Variants in PATJ observed in about 807,000 individuals in gnomAD.
PATJ encodes the protein inaD-like protein.
In PATJ, 190 loss-of-function variants were observed where a neutral mutation model predicts 224.9. The ratio of observed to expected loss-of-function variants is 0.84; its 90% CI spans 0.75 to 0.95. The LOEUF (loss-of-function observed/expected upper bound fraction) is 0.95. PATJ is among the 40% of genes least tolerant of loss of function. The pLI is 0.00. For synonymous variants in PATJ, 769 were observed against 820.3 expected (o/e 0.94, Z 1.07); for missense variants, 2,121 against 2,270.3 (o/e 0.93, Z 1.34).
chr1:61,767,993 T>A (rs1646386082), intron 4 of PATJ, among the ~76,000 whole-genome samples: 1 of 152,012 alleles, frequency 6.6e-6, no homozygotes, highest in African/African-American at 2.4e-5. Flanking sequence ...TTCATCTGAC[T>A]AGTAATTATT....
chr1:61,795,225 A>G (rs566296555), intron 9 of PATJ, among the ~76,000 whole-genome samples: 2 of 152,112 alleles, frequency 1.3e-5, no homozygotes, highest in Admixed American at 6.6e-5. Flanking sequence ...AGTACATTTC[A>G]TCAGGGTTCC....
At chr1:61,819,597 C>T (rs12729555) in intron 14 of PATJ, among the ~76,000 whole-genome samples, 8,495 of 142,868 alleles carry the variant, frequency 0.059, 323 homozygotes, top group Middle Eastern at 0.13. Flanking sequence ...TCAAAAGCAG[C>T]GTGGGGCGGC....
At chr1:62,059,376 T>G (rs1351938415) in intron 31 of PATJ, among the ~76,000 whole-genome samples, 1 of 152,010 alleles carries the variant, frequency 6.6e-6, no homozygotes, top group African/African-American at 2.4e-5. Flanking sequence ...AATCCCAGAA[T>G]TTTGGGAGGC....
Position 61,766,443 on chromosome 1 carries a change from C to T in PATJ, c.354C>T (p.Asp118=), listed in dbSNP as rs1280528246. The part of the protein sequence containing the change: ...FPWTPKLGNE[D]FNSVIQQMAQ... Reference sequence around the variant, plus strand: ...GGACCCCGAAGTTGGGAAATGAAGACTTTAACTCAGTCATTCAACAGATGG... The same window carrying T: ...GGACCCCGAAGTTGGGAAATGAAGATTTTAACTCAGTCATTCAACAGATGG... Residue 118 remains aspartate, a synonymous_variant, in exon 4 of 44, where the codon GAC becomes GAT. Coordinates refer to ENST00000642238, the MANE Select transcript of PATJ (RefSeq NM_001350145.3). 1.2e-6 allele frequency: 2 copies of T among 1,604,172 alleles called. No individual in the cohort carries two copies. Among genetic ancestry groups the T allele is most frequent in the East Asian group, 4.5e-5 (2 of 44,610 alleles).
chr1:61,946,801 C>T (rs1156604381), intron 27 of PATJ, among the ~76,000 whole-genome samples: 7 of 152,102 alleles, frequency 4.6e-5, no homozygotes, highest in African/African-American at 1.7e-4. Flanking sequence ...TGATGAACAT[C>T]GATGCAGAAA....
chr1:62,136,362 A>G (rs1172544239), intron 41 of PATJ, among the ~76,000 whole-genome samples: 1 of 151,624 alleles, frequency 6.6e-6, no homozygotes, highest in African/African-American at 2.4e-5. Context: ...GACACATAAA[A>G]ATCAATATAT....
At chr1:61,813,035 T>C (rs191283362) in intron 14 of PATJ, among the ~76,000 whole-genome samples, 5 of 151,990 alleles carry the variant, frequency 3.3e-5, no homozygotes, top group Non-Finnish European at 7.4e-5. Flanking sequence ...GTCATATTAC[T>C]TTAGAACTCA....
chr1:61,931,361 A>C (rs1676006896), intron 27 of PATJ, among the ~76,000 whole-genome samples: 2 of 152,254 alleles, frequency 1.3e-5, no homozygotes, highest in South Asian at 2.1e-4. Flanking sequence ...CAAAGTAATA[A>C]AATTTAAAAA....
At chr1:62,143,956 G>A (rs1667759889) in intron 41 of PATJ, among the ~76,000 whole-genome samples, 1 of 152,122 alleles carries the variant, frequency 6.6e-6, no homozygotes, top group Non-Finnish European at 1.5e-5. Context: ...GATGGGGATG[G>A]AAGCTGGAGT....
chr1:61,775,237 T>A lies in PATJ; in HGVS notation c.752T>A (p.Leu251His). The change falls in exon 7 of 44, where the codon CTC becomes CAC. Residue 251 changes from leucine (L) to histidine (H), a missense_variant. Transcript: ENST00000642238. ...TGGGGCCATGTTGAAGAGGTTGAGC[T>A]CATTAATGATGGCTCTGGACTAGGT... ...VCWGHVEEVELINDGSGLGFG... is the reference protein window; with the variant it reads ...VCWGHVEEVEHINDGSGLGFG... 1 of 1,613,570 alleles carries A rather than the reference T, an allele frequency of 6.2e-7. No homozygotes were observed. Among genetic ancestry groups the A allele is most frequent in the Non-Finnish European group, 8.5e-7 (1 of 1,179,748 alleles).
At chr1:61,983,787 A>G (rs1293510444) in intron 27 of PATJ, among the ~76,000 whole-genome samples, 2 of 152,084 alleles carry the variant, frequency 1.3e-5, no homozygotes, top group Non-Finnish European at 2.9e-5. Context: ...GAAGGAAATA[A>G]GGAATCTAAA....
intron 29 of PATJ, among the ~76,000 whole-genome samples, chr1:62,034,238 C>G (rs1205934115): frequency 6.6e-6 from 1 of 151,934 alleles, no homozygotes; most frequent in Admixed American, 6.6e-5. Context: ...AGGCCAGGAC[C>G]TCAAGACCAG....
At chr1:62,122,546 C>T (rs755786530) in intron 38 of PATJ, among the ~76,000 whole-genome samples, 3 of 151,872 alleles carry the variant, frequency 2.0e-5, no homozygotes, top group Non-Finnish European at 4.4e-5. Context: ...CACAGCAGGC[C>T]GGGCACGGTG....
chr1:62,097,353 T>A (rs1661517315), intron 33 of PATJ, among the ~76,000 whole-genome samples: 2 of 152,168 alleles, frequency 1.3e-5, no homozygotes, highest in Admixed American at 6.5e-5. Context: ...TTTATGCAGC[T>A]CTTTCCAGAT....
chr1:62,009,859 C>T (rs1386577825), intron 28 of PATJ, among the ~76,000 whole-genome samples: 3 of 151,666 alleles, frequency 2.0e-5, no homozygotes, highest in African/African-American at 4.8e-5. Flanking sequence ...CCGAGGTGGG[C>T]GGATCACAAG....
chr1:61,785,512 C>T (rs1352551698), intron 7 of PATJ, among the ~76,000 whole-genome samples: 1 of 152,174 alleles, frequency 6.6e-6, no homozygotes, highest in Non-Finnish European at 1.5e-5. Context: ...CTGTTTGTAT[C>T]TCAATTTTCT....
At chr1:61,936,558 C>A (rs77561805) in intron 27 of PATJ, among the ~76,000 whole-genome samples, 1,783 of 151,638 alleles carry the variant, frequency 0.012, 18 homozygotes, top group Non-Finnish European at 0.019. Context: ...ATAAGTAAGG[C>A]TATATATGAA....
chr1:61,901,206 T>C (rs2499002), intron 23 of PATJ, 76 bp from the exon 24 acceptor site: 4 of 806,100 alleles, frequency 5.0e-6, no homozygotes, highest in African/African-American at 3.6e-5. Flanking sequence ...CACAAGGATA[T>C]GATGCAAATG....
chr1:61,913,510 T>C (rs1407417886), intron 25 of PATJ, among the ~76,000 whole-genome samples: 2 of 152,188 alleles, frequency 1.3e-5, no homozygotes, highest in Non-Finnish European at 2.9e-5. Context: ...ACTTGGTCTA[T>C]TTTTTTCTTT....
Sources: gnomAD v4.1 joint callset for allele counts (sites outside exome capture counted in the v4.1 genomes callset) on GRCh38, gnomAD v4.1.1 for gene constraint, MANE v1.5 for transcripts, NCBI Gene and HGNC (gene_info 2026-07-23, HGNC 2026-07-21) for gene names.